Variants in STK31 observed in about 807,000 individuals in gnomAD.
The protein encoded by STK31 is serine/threonine kinase 31.
STK31 carries 89 observed loss-of-function variants against 129.7 expected under a neutral mutation model. That is an observed-to-expected ratio of 0.69 (90% CI 0.58 to 0.82). The LOEUF is 0.82. Among genes scored for constraint, STK31 ranks in the 40% least tolerant of loss-of-function variants. STK31 has a pLI of 0.00. For missense variants in STK31, 1,187 were observed against 1,176.4 expected, an observed-to-expected ratio of 1.01 and a Z score of -0.13; for synonymous variants, 448 against 395.3, an observed-to-expected ratio of 1.13 and a Z score of -1.58.
chr7:23,720,850 G>T (rs1462996671), intron 4 of STK31, among the ~76,000 whole-genome samples: 1 of 152,120 alleles, frequency 6.6e-6, no homozygotes, highest in Non-Finnish European at 1.5e-5. Flanking sequence ...CCCAGCAACA[G>T]TGACTGCAAC....
chr7:23,778,278 T>A (rs1379608855), intron 15 of STK31, among the ~76,000 whole-genome samples: 2 of 152,198 alleles, frequency 1.3e-5, no homozygotes, highest in Non-Finnish European at 2.9e-5. Flanking sequence ...ATTTTTTCCT[T>A]CATTTCAACC....
chr7:23,786,028 G>A (rs1307154627), intron 18 of STK31, among the ~76,000 whole-genome samples: 1 of 149,542 alleles, frequency 6.7e-6, no homozygotes, highest in East Asian at 1.9e-4. Context: ...ATTAAATAAA[G>A]CTTTGTCTCA....
chr7:23,729,220 T>C lies in STK31; in HGVS notation c.454T>C (p.Ser152Pro). 6.2e-7 allele frequency: 1 copy of C among 1,606,718 alleles called. No individual in the cohort carries two copies. The highest frequency in any genetic ancestry group is 8.5e-7 in the Non-Finnish European group (1 of 1,178,184). ...KYKLWGLHIPSDQEVTQFDQG... is the reference protein window; with the variant it reads ...KYKLWGLHIPPDQEVTQFDQG... Reference sequence around the variant, plus strand: ...TAAACTTTGGGGACTACACATTCCTTCTGATCAAGAAGTTACCCAGTTTGA... The same window carrying C: ...TAAACTTTGGGGACTACACATTCCTCCTGATCAAGAAGTTACCCAGTTTGA... The change falls in exon 6 of 24, where the codon TCT becomes CCT. Residue 152 changes from serine (S) to proline (P), a missense_variant. By Grantham distance (74) the Ser-to-Pro change is moderately conservative. This residue lies in a region of STK31 where 103 missense variants were observed against 110.4 expected (regional missense o/e 0.93). Coordinates refer to ENST00000355870, the MANE Select transcript of STK31 (RefSeq NM_031414.5).
At chr7:23,742,665 T>C (rs1788117561) in intron 8 of STK31, among the ~76,000 whole-genome samples, 1 of 152,232 alleles carries the variant, frequency 6.6e-6, no homozygotes, top group Admixed American at 6.5e-5. Context: ...TCTCAGCTGG[T>C]TTCTGGCTAG....
In STK31 at chr7:23,810,523, T is replaced by C. The variant is rs1403845725; in HGVS notation, c.2761-4621T>C. On this transcript the variant is annotated intron_variant, in intron 22 of 23. Transcript: ENST00000355870. ...AAATTTTCTACCATTGTATTACTGG[T>C]TTTGTTTGTTTCTTGTTTCTTTTTC... is the stretch of plus-strand genomic sequence containing the variant. 7.6e-5 allele frequency among the ~76,000 whole-genome samples: 3 copies of C among 39,634 alleles called. 1 individual carries two copies. The South Asian group carries it at 1.8e-3, about 23-fold the overall frequency. The allele number at this position is 39,634 out of a possible 152,430, so 26.0% of individuals were successfully genotyped here.
At chr7:23,730,143 A>T (rs1306456753) in intron 6 of STK31, among the ~76,000 whole-genome samples, 3 of 152,190 alleles carry the variant, frequency 2.0e-5, no homozygotes, top group African/African-American at 7.2e-5. Context: ...AAAATCTGTT[A>T]TACAAAGATG....
chr7:23,816,817 G>A (rs908360160), intron 23 of STK31, among the ~76,000 whole-genome samples: 9 of 152,332 alleles, frequency 5.9e-5, no homozygotes, highest in African/African-American at 2.2e-4. Flanking sequence ...CTAGGTCCAA[G>A]AGGAAAGAAT....
chr7:23,751,638 A>G (rs1788712323), intron 8 of STK31, among the ~76,000 whole-genome samples: 2 of 152,190 alleles, frequency 1.3e-5, no homozygotes, highest in African/African-American at 4.8e-5. Context: ...TATTCAATCA[A>G]CTACTGAGAG....
intron 8 of STK31, among the ~76,000 whole-genome samples, chr7:23,747,107 C>T (rs1023732448): frequency 9.2e-5 from 14 of 151,804 alleles, no homozygotes; most frequent in African/African-American, 3.1e-4. Context: ...CATATATGTT[C>T]GTGACATATA....
intron 20 of STK31, among the ~76,000 whole-genome samples, chr7:23,787,561 C>T (rs928974533): frequency 5.3e-5 from 8 of 152,040 alleles, no homozygotes; most frequent in African/African-American, 1.9e-4. Context: ...ATTAGATTCT[C>T]ATAGGAGCAT....
intron 22 of STK31, among the ~76,000 whole-genome samples, chr7:23,812,570 A>G (rs1238934820): frequency 6.6e-6 from 1 of 151,942 alleles, no homozygotes; most frequent in Non-Finnish European, 1.5e-5. Flanking sequence ...TTTGTTACAC[A>G]GGTATATTGT....
chr7:23,793,168 CA>C (rs1791745934), intron 22 of STK31, among the ~76,000 whole-genome samples: 1 of 152,152 alleles, frequency 6.6e-6, no homozygotes, highest in South Asian at 2.1e-4. Flanking sequence ...GAATCTTCAA[CA>C]AAAATGATAC....
At chr7:23,753,522 T>A (rs965666385) in intron 9 of STK31, among the ~76,000 whole-genome samples, 1 of 152,196 alleles carries the variant, frequency 6.6e-6, no homozygotes, top group African/African-American at 2.4e-5. Context: ...TATATACAGA[T>A]TATCATAAAA....
intron 23 of STK31, among the ~76,000 whole-genome samples, chr7:23,827,695 C>G (rs1020004842): frequency 1.3e-5 from 2 of 152,140 alleles, no homozygotes; most frequent in Admixed American, 1.3e-4. Flanking sequence ...TCCGGTTTTT[C>G]TGCTCTGTTT....
At chr7:23,782,764 C>G (rs1791017123) in intron 16 of STK31, among the ~76,000 whole-genome samples, 1 of 151,998 alleles carries the variant, frequency 6.6e-6, no homozygotes, top group Admixed American at 6.5e-5. Context: ...AAAAATTTTT[C>G]TTAACGAAAC....
At chr7:23,791,221 G>A (rs10224014) in intron 22 of STK31, 73,562 of 963,228 alleles carry the variant, frequency 0.076, 3,445 homozygotes, top group African/African-American at 0.21. Context: ...TCTGAAAGCA[G>A]TTCATGCATA....
chr7:23,769,670 AT>A lies in STK31; in HGVS notation c.1630del (p.Ser544GlnfsTer12), dbSNP rs780173826. ...VFDLSVEGSL[I>X]SEDAMDNIDE... ...TGACCTATCTGTGGAAGGATCACTGATTTCAGAAGACGCAATGGATAATATT... is the reference window on the plus strand; with the variant it reads ...TGACCTATCTGTGGAAGGATCACTGATTCAGAAGACGCAATGGATAATATT... On this transcript the variant is annotated frameshift_variant, in exon 13 of 24. Coordinates refer to ENST00000355870, the MANE Select transcript of STK31 (RefSeq NM_031414.5). LOFTEE classifies it high-confidence loss of function. The A allele has an allele frequency of 2.5e-6, 4 of 1,611,812 alleles. No individual in the cohort carries two copies. The highest frequency in any genetic ancestry group is 3.4e-6 in the Non-Finnish European group (4 of 1,178,800).
Position 23,778,186 on chromosome 7 carries a change from C to G in STK31, c.1966-3233C>G, listed in dbSNP as rs914178190. Among the ~76,000 whole-genome samples, 9 of 152,260 alleles carry G rather than the reference C, an allele frequency of 5.9e-5. No individual in the cohort carries two copies. The East Asian group carries it at 1.7e-3, about 29-fold the overall frequency. On this transcript the variant is annotated intron_variant, in intron 15 of 23. Coordinates refer to ENST00000355870, the MANE Select transcript of STK31 (RefSeq NM_031414.5). ...GCCCCCACTCTCTTCTGGCATTGTA[C>G]AGTTTCTGCAGAGAAATTGCTGTTA...
rs150638949 is a variant in STK31, at chr7:23,755,531, T to C, written c.1293+1057T>C. On this transcript the variant is annotated intron_variant, in intron 10 of 23. Coordinates refer to ENST00000355870, the MANE Select transcript of STK31 (RefSeq NM_031414.5). ...AGATCCCATTTGTCAATTTTGACTT[T>C]TGTTGCATTTGCTTTTGTTGTTTTT... is the stretch of plus-strand genomic sequence containing the variant. Among the ~76,000 whole-genome samples, 104 of 152,348 alleles carry C rather than the reference T, an allele frequency of 6.8e-4. No homozygotes were observed. The East Asian group carries it at 0.016, about 23-fold the overall frequency.
Sources: allele counts gnomAD v4.1 joint callset (sites outside exome capture counted in the v4.1 genomes callset), GRCh38; gene constraint gnomAD v4.1.1; regional missense constraint gnomAD v4.1.1; transcripts MANE v1.5; gene names NCBI Gene and HGNC (gene_info 2026-07-23, HGNC 2026-07-21).